Variants in SRGAP3 observed in about 807,000 individuals in gnomAD.
SRGAP3 encodes the protein SLIT-ROBO Rho GTPase activating protein 3, also known as SLIT-ROBO Rho GTPase-activating protein 3.
In SRGAP3, 39 loss-of-function variants were observed where a neutral mutation model predicts 121.1. The ratio of observed to expected loss-of-function variants is 0.32; its 90% CI spans 0.25 to 0.42. SRGAP3 has a LOEUF of 0.42. Among genes scored for constraint, SRGAP3 ranks in the 10% least tolerant of loss-of-function variants. The pLI, the probability that SRGAP3 is intolerant of heterozygous loss-of-function variation, is 1.00. For missense variants in SRGAP3, 1,213 were observed against 1,470.6 expected (o/e 0.82, Z 2.86); for synonymous variants, 601 against 570.0 (o/e 1.05, Z -0.77).
At chr3:9,267,498 G>A (rs1191014490) in intron 3 of SRGAP3, among the ~76,000 whole-genome samples, 1 of 152,188 alleles carries the variant, frequency 6.6e-6, no homozygotes, top group Non-Finnish European at 1.5e-5. Context: ...TGTTGTGGGT[G>A]CAGTTGAGGC....
chr3:9,273,727 T>C (rs759005272), intron 3 of SRGAP3, among the ~76,000 whole-genome samples: 6 of 152,222 alleles, frequency 3.9e-5, no homozygotes, highest in African/African-American at 1.2e-4. Context: ...AGGTCTTACA[T>C]TGAAGTCTTT....
At chr3:9,122,657 C>T (rs906803543) in intron 2 of SRGAP3, among the ~76,000 whole-genome samples, 1 of 147,188 alleles carries the variant, frequency 6.8e-6, no homozygotes, top group Non-Finnish European at 1.5e-5. Flanking sequence ...TGCAGTGAGC[C>T]GAGATCGCAC....
intron 12 of SRGAP3, among the ~76,000 whole-genome samples, chr3:9,031,545 T>C (rs572750576): frequency 1.5e-4 from 23 of 152,074 alleles, no homozygotes; most frequent in Middle Eastern, 3.4e-3. Flanking sequence ...TTTTCCCCAC[T>C]CTCCCTTCCC....
chr3:9,140,703 C>G (rs1949817288), intron 1 of SRGAP3, among the ~76,000 whole-genome samples: 1 of 152,218 alleles, frequency 6.6e-6, no homozygotes, highest in Middle Eastern at 3.2e-3. Context: ...TAAAACTTTA[C>G]AAAAACAGGT....
At chr3:9,136,069 G>A (rs1198017242) in intron 1 of SRGAP3, among the ~76,000 whole-genome samples, 1 of 152,196 alleles carries the variant, frequency 6.6e-6, no homozygotes, top group Non-Finnish European at 1.5e-5. Flanking sequence ...CTCGCGCCCC[G>A]CGTCCACAGT....
At chr3:9,248,813 G>A (rs545398443) in intron 1 of SRGAP3, 72 bp downstream of exon 1, 436 of 1,471,876 alleles carry the variant, frequency 3.0e-4, no homozygotes, top group Non-Finnish European at 3.9e-4. Flanking sequence ...GGGGGGCAGC[G>A]GGGGATGGGA....
intron 5 of SRGAP3, 33 bp downstream of exon 5, chr3:9,064,363 C>A: frequency 4.3e-6 from 7 of 1,614,000 alleles, no homozygotes; most frequent in Non-Finnish European, 5.9e-6. Context: ...GTGCCCTGTC[C>A]CCAATCGCTC....
chr3:9,067,835 T>C (rs1946502027), intron 4 of SRGAP3, among the ~76,000 whole-genome samples: 1 of 152,072 alleles, frequency 6.6e-6, no homozygotes, highest in Non-Finnish European at 1.5e-5. Flanking sequence ...ATTGAGTTAT[T>C]TGGATATGGT....
At chr3:9,060,129 A>G in intron 6 of SRGAP3, 102 bp downstream of exon 6, 8 of 1,582,468 alleles carry the variant, frequency 5.1e-6, no homozygotes, top group South Asian at 1.1e-5. Flanking sequence ...TGGCTACCCG[A>G]GAATGTCAGG....
At chr3:9,016,308 G>A (rs1943634100) in intron 14 of SRGAP3, among the ~76,000 whole-genome samples, 1 of 152,094 alleles carries the variant, frequency 6.6e-6, no homozygotes. Flanking sequence ...TCCTTTAAAT[G>A]TAAAATATGC....
intron 3 of SRGAP3, chr3:9,292,576 T>A (rs540807579): frequency 1.8e-4 from 27 of 152,314 alleles, no homozygotes; most frequent in African/African-American, 6.5e-4. Flanking sequence ...AAAAGACATT[T>A]ATCAAGTAAT....
chr3:9,131,864 A>G (rs1262930455), intron 1 of SRGAP3, among the ~76,000 whole-genome samples: 1 of 152,088 alleles, frequency 6.6e-6, no homozygotes, highest in African/African-American at 2.4e-5. Flanking sequence ...TCTGACATTC[A>G]AAGTCCAAGA....
Position 9,286,976 on chromosome 3 carries a change from C to A in SRGAP3, n.442+39034G>T, listed in dbSNP as rs1298259253. Among the ~76,000 whole-genome samples the A allele has an allele frequency of 2.7e-5, 4 of 146,026 alleles. No individual in the cohort carries two copies. In the East Asian group the frequency reaches 6.0e-4, roughly 22 times the overall value. ...GTAATACTCGTTTGCCTTGTCCACA[C>A]ACTGACACTCTTTTTTTTTTTTTTT... On this transcript the variant is annotated intron_variant and non_coding_transcript_variant, in intron 3 of 3. Transcript: ENST00000490889.
chr3:9,274,145 A>G (rs948605421), intron 3 of SRGAP3, among the ~76,000 whole-genome samples: 12 of 152,232 alleles, frequency 7.9e-5, no homozygotes, highest in Non-Finnish European at 1.5e-4. Flanking sequence ...TGTCTGGTAC[A>G]TAGGAGGTGC....
chr3:9,348,687 A>C, intron 1 of SRGAP3: 1 of 1,126,788 alleles, frequency 8.9e-7, no homozygotes, highest in South Asian at 1.2e-5. Flanking sequence ...GCCAGTAGTG[A>C]GGATTGGTGC....
chr3:9,162,872 G>A (rs1463808348), intron 1 of SRGAP3, among the ~76,000 whole-genome samples: 1 of 152,242 alleles, frequency 6.6e-6, no homozygotes. Context: ...AAAGGGGCAA[G>A]CCAGTACAGC....
At chr3:9,063,278 G>GCCA (rs979211755) in intron 5 of SRGAP3, among the ~76,000 whole-genome samples, 4 of 151,688 alleles carry the variant, frequency 2.6e-5, no homozygotes, top group African/African-American at 9.7e-5. Flanking sequence ...ACAGGCACAT[G>GCCA]CCACCACACC....
intron 7 of SRGAP3, among the ~76,000 whole-genome samples, chr3:9,057,953 A>G (rs140193889): frequency 2.9e-4 from 44 of 152,264 alleles, no homozygotes; most frequent in African/African-American, 1.0e-3. Flanking sequence ...TCACCCGCAC[A>G]TGTGGGGTTA....
At chr3:9,257,937 T>G (rs1250972182) in intron 3 of SRGAP3, among the ~76,000 whole-genome samples, 3 of 152,118 alleles carry the variant, frequency 2.0e-5, no homozygotes, top group African/African-American at 7.2e-5. Context: ...ACTCCTGACC[T>G]TGTGATCCAC....
Sources: gnomAD v4.1 joint callset for allele counts (sites outside exome capture counted in the v4.1 genomes callset) on GRCh38, gnomAD v4.1.1 for gene constraint, MANE v1.5 for transcripts, NCBI Gene and HGNC (gene_info 2026-07-23, HGNC 2026-07-21) for gene names.